Variants in GALNT13 observed in about 807,000 individuals in gnomAD.
GALNT13 encodes the protein polypeptide N-acetylgalactosaminyltransferase 13, also known as UDP-GalNAc:polypeptide N-acetylgalactosaminyltransferase 13.
A neutral mutation model predicts 64.2 loss-of-function variants in GALNT13; 28 were observed. The ratio of observed to expected loss-of-function variants is 0.44; its 90% CI spans 0.32 to 0.60. GALNT13 has a LOEUF of 0.60. Ranked by LOEUF, GALNT13 falls within the 20% of genes least tolerant of loss-of-function variation. GALNT13 has a pLI of 0.05. For synonymous variants in GALNT13, 214 were observed against 224.6 expected, an observed-to-expected ratio of 0.95 and a Z score of 0.42; for missense variants, 577 against 669.8, an observed-to-expected ratio of 0.86 and a Z score of 1.53.
At position 154,294,754 on chromosome 2, in the gene GALNT13, G is replaced by C. The variant is rs539619995; in HGVS notation, c.976-6655G>C. Among the ~76,000 whole-genome samples the C allele has an allele frequency of 2.0e-4, 30 of 152,312 alleles. No homozygotes were observed. In the South Asian group the frequency reaches 4.6e-3, roughly 23 times the overall value. On this transcript the variant is annotated intron_variant, in intron 8 of 12. Coordinates refer to ENST00000392825, the MANE Select transcript of GALNT13 (RefSeq NM_052917.4). ...AGAAGTATGATTGGACAAAAATTAA[G>C]TGTGATCTAATGGAATTAAAGGAGG...
At chr2:154,415,150 T>C (rs979585293) in intron 11 of GALNT13, among the ~76,000 whole-genome samples, 157 of 149,814 alleles carry the variant, frequency 1.0e-3, no homozygotes, top group African/African-American at 3.5e-3. Context: ...AAAAAAAAAC[T>C]CTAATACATA....
the GALNT13 span, among the ~76,000 whole-genome samples, chr2:153,741,704 A>G: frequency 6.6e-6 from 1 of 152,074 alleles, no homozygotes; most frequent in African/African-American, 2.4e-5. Context: ...GTAGAGGTAA[A>G]TTGTAAATCT....
the GALNT13 span, among the ~76,000 whole-genome samples, chr2:153,655,044 C>G: frequency 6.6e-6 from 1 of 152,190 alleles, no homozygotes; most frequent in South Asian, 2.1e-4. Context: ...ACTAGTATAA[C>G]TTGCAAATTC....
the GALNT13 span, among the ~76,000 whole-genome samples, chr2:153,156,563 G>A: frequency 6.6e-6 from 1 of 152,030 alleles, no homozygotes; most frequent in Non-Finnish European, 1.5e-5. Flanking sequence ...ACTGATTATT[G>A]CCATCAGACA....
chr2:154,135,516 G>A (rs565396336), intron 3 of GALNT13, among the ~76,000 whole-genome samples: 38 of 152,296 alleles, frequency 2.5e-4, no homozygotes, highest in Admixed American at 5.9e-4. Flanking sequence ...TCAAAGGGAT[G>A]CTAAATGAAT....
intron 2 of GALNT13, among the ~76,000 whole-genome samples, chr2:153,942,367 A>G (rs897248756): frequency 6.6e-6 from 1 of 152,124 alleles, no homozygotes; most frequent in African/African-American, 2.4e-5. Flanking sequence ...GTGACCGTCA[A>G]TGTTATAGGT....
At chr2:153,136,837 T>C in the GALNT13 span, among the ~76,000 whole-genome samples, 1 of 73,558 alleles carries the variant, frequency 1.4e-5, no homozygotes, top group African/African-American at 3.5e-5. Context: ...ATTTACACTA[T>C]GGTGTTTGCA....
At chr2:154,021,206 A>G (rs1697456772) in intron 3 of GALNT13, among the ~76,000 whole-genome samples, 1 of 152,086 alleles carries the variant, frequency 6.6e-6, no homozygotes, top group South Asian at 2.1e-4. Flanking sequence ...TTCCATATGA[A>G]CTTTAAATTA....
chr2:153,437,393 G>C, the GALNT13 span, among the ~76,000 whole-genome samples: 3 of 152,260 alleles, frequency 2.0e-5, no homozygotes, highest in Admixed American at 2.0e-4. Flanking sequence ...TTGACTTTCT[G>C]TCTCATTGAT....
the GALNT13 span, among the ~76,000 whole-genome samples, chr2:153,704,458 A>G: frequency 3.6e-3 from 552 of 152,294 alleles, 4 homozygotes; most frequent in African/African-American, 0.012. Context: ...AGTGAGTGAC[A>G]TAACTATAAT....
At chr2:153,162,319 C>T in the GALNT13 span, among the ~76,000 whole-genome samples, 1 of 152,040 alleles carries the variant, frequency 6.6e-6, no homozygotes, top group Non-Finnish European at 1.5e-5. Flanking sequence ...TGGAATGTTA[C>T]CTTTTGGTCT....
At chr2:153,169,079 T>G in the GALNT13 span, among the ~76,000 whole-genome samples, 2 of 152,166 alleles carry the variant, frequency 1.3e-5, no homozygotes, top group African/African-American at 2.4e-5. Flanking sequence ...ATGCAGTCAC[T>G]TGCTTCCTTT....
At chr2:153,343,299 G>A in the GALNT13 span, among the ~76,000 whole-genome samples, 1 of 152,032 alleles carries the variant, frequency 6.6e-6, no homozygotes, top group African/African-American at 2.4e-5. Context: ...GAGAGGTGAG[G>A]TTTATAAAAC....
At chr2:153,117,948 TA>T in the GALNT13 span, among the ~76,000 whole-genome samples, 4 of 152,196 alleles carry the variant, frequency 2.6e-5, no homozygotes, top group African/African-American at 9.7e-5. Context: ...TCATTGTTCT[TA>T]GTCCCTAATG....
At chr2:153,277,362 A>G in the GALNT13 span, among the ~76,000 whole-genome samples, 2 of 152,048 alleles carry the variant, frequency 1.3e-5, no homozygotes, top group Non-Finnish European at 2.9e-5. Context: ...AGTTTCATCT[A>G]TTTTGTTGCA....
At chr2:153,222,327 T>TGGGGGGGGGGGGGGGGGGGGGGG in the GALNT13 span, among the ~76,000 whole-genome samples, 1 of 95,582 alleles carries the variant, frequency 1.0e-5, no homozygotes, top group African/African-American at 4.3e-5. Flanking sequence ...GGGGGGGGGG[T>TGGGGGGGGGGGGGGGGGGGGGGG]GGGGTGGGGG....
intron 3 of GALNT13, among the ~76,000 whole-genome samples, chr2:154,127,762 GTA>G (rs1160177985): frequency 1.3e-5 from 2 of 149,128 alleles, no homozygotes; most frequent in Non-Finnish European, 3.0e-5. Flanking sequence ...ATGTATATGG[GTA>G]TATATATCCA....
At chr2:153,261,847 A>G in the GALNT13 span, among the ~76,000 whole-genome samples, 1 of 152,076 alleles carries the variant, frequency 6.6e-6, no homozygotes, top group Non-Finnish European at 1.5e-5. Context: ...CCACCACCCC[A>G]GGTTCACAGC....
chr2:153,269,596 G>T, the GALNT13 span, among the ~76,000 whole-genome samples: 2 of 152,186 alleles, frequency 1.3e-5, no homozygotes, highest in Admixed American at 1.3e-4. Flanking sequence ...TTCCAAAGTT[G>T]CTTCCACATT....
Sources: gnomAD v4.1 joint callset for allele counts (sites outside exome capture counted in the v4.1 genomes callset) on GRCh38, gnomAD v4.1.1 for gene constraint, MANE v1.5 for transcripts, NCBI Gene and HGNC (gene_info 2026-07-23, HGNC 2026-07-21) for gene names.